SLC24A3: variants seen among roughly 807,000 people sequenced by gnomAD.
SLC24A3 encodes the protein solute carrier family 24 member 3, also known as sodium/potassium/calcium exchanger 3.
Under a neutral mutation model 75.8 loss-of-function variants are expected in SLC24A3, and 28 were observed. That is an observed-to-expected ratio of 0.37 (90% CI 0.27 to 0.51). The LOEUF is 0.51. Among genes scored for constraint, SLC24A3 ranks in the 20% least tolerant of loss-of-function variants. The pLI, the probability that SLC24A3 is intolerant of heterozygous loss-of-function variation, is 0.94. For synonymous variants in SLC24A3, 372 were observed against 334.1 expected (o/e 1.11, Z -1.24); for missense variants, 663 against 847.8 (o/e 0.78, Z 2.71).
At chr20:19,603,662 C>T (rs1409402983) in intron 6 of SLC24A3, among the ~76,000 whole-genome samples, 3 of 152,184 alleles carry the variant, frequency 2.0e-5, no homozygotes, top group African/African-American at 4.8e-5. Context: ...TATCAGACTT[C>T]GGGTACATAT....
chr20:19,611,055 C>A (rs544765092), intron 6 of SLC24A3, among the ~76,000 whole-genome samples: 2 of 152,350 alleles, frequency 1.3e-5, no homozygotes, highest in African/African-American at 4.8e-5. Flanking sequence ...TAGGAAGATG[C>A]TGGCTTCACG....
intron 2 of SLC24A3, among the ~76,000 whole-genome samples, chr20:19,457,433 C>T (rs1330335133): frequency 2.6e-5 from 4 of 152,236 alleles, no homozygotes; most frequent in East Asian, 3.8e-4. Flanking sequence ...TTACTTTTCA[C>T]TCAAGATGAA....
intron 4 of SLC24A3, among the ~76,000 whole-genome samples, chr20:19,581,079 TA>T (rs2031212086): frequency 6.6e-6 from 1 of 152,186 alleles, no homozygotes; most frequent in African/African-American, 2.4e-5. Flanking sequence ...GATACTTAAA[TA>T]AATAAAAAGT....
chr20:19,446,828 A>C (rs769827577), intron 2 of SLC24A3, among the ~76,000 whole-genome samples: 59 of 152,330 alleles, frequency 3.9e-4, no homozygotes, highest in Middle Eastern at 3.4e-3. Context: ...GCCTCTGCCA[A>C]AAGGCTTTCG....
At chr20:19,596,095 G>A (rs1232134124) in intron 6 of SLC24A3, among the ~76,000 whole-genome samples, 1 of 152,110 alleles carries the variant, frequency 6.6e-6, no homozygotes, top group Non-Finnish European at 1.5e-5. Flanking sequence ...GGGTGCATTG[G>A]GAAGCTACGG....
At chr20:19,396,735 G>A (rs1793870047) in intron 2 of SLC24A3, among the ~76,000 whole-genome samples, 1 of 152,158 alleles carries the variant, frequency 6.6e-6, no homozygotes, top group African/African-American at 2.4e-5. Flanking sequence ...AGCTGATGGA[G>A]TATAATTTTC....
intron 3 of SLC24A3, among the ~76,000 whole-genome samples, chr20:19,578,109 G>A (rs2031167037): frequency 6.6e-6 from 1 of 152,188 alleles, no homozygotes; most frequent in African/African-American, 2.4e-5. Flanking sequence ...TTTCATGCTT[G>A]GGTTGCCACA....
chr20:19,651,452 G>A (rs1230493051), intron 6 of SLC24A3, among the ~76,000 whole-genome samples: 1 of 147,508 alleles, frequency 6.8e-6, no homozygotes, highest in Non-Finnish European at 1.5e-5. Context: ...TAATTTCTAG[G>A]GTCTGTTCTT....
intron 2 of SLC24A3, among the ~76,000 whole-genome samples, chr20:19,394,744 T>C (rs1008560956): frequency 7.9e-5 from 12 of 152,112 alleles, no homozygotes; most frequent in African/African-American, 2.7e-4. Context: ...TGTGGAGAAA[T>C]TGGAACCTTT....
chr20:19,316,511 A>T (rs1984591582), intron 2 of SLC24A3, among the ~76,000 whole-genome samples: 1 of 152,260 alleles, frequency 6.6e-6, no homozygotes, highest in Non-Finnish European at 1.5e-5. Flanking sequence ...GCTATGGCTC[A>T]TAAATCAGTC....
At chr20:19,381,269 A>AC (rs1176675454) in intron 2 of SLC24A3, among the ~76,000 whole-genome samples, 3 of 152,208 alleles carry the variant, frequency 2.0e-5, no homozygotes, top group Non-Finnish European at 4.4e-5. Context: ...AGTTCCAGCC[A>AC]CCATGGAGCT....
intron 3 of SLC24A3, among the ~76,000 whole-genome samples, chr20:19,558,555 C>T (rs897829910): frequency 6.6e-6 from 1 of 152,098 alleles, no homozygotes; most frequent in Admixed American, 6.6e-5. Flanking sequence ...TAGTAGCCTC[C>T]TCTCCATGTC....
At chr20:19,458,945 G>T (rs893178721) in intron 2 of SLC24A3, among the ~76,000 whole-genome samples, 1 of 152,150 alleles carries the variant, frequency 6.6e-6, no homozygotes, top group African/African-American at 2.4e-5. Flanking sequence ...GAGAACTTAG[G>T]ACTGGTTAAC....
At chr20:19,535,660 G>T (rs760101987) in intron 3 of SLC24A3, among the ~76,000 whole-genome samples, 1 of 152,286 alleles carries the variant, frequency 6.6e-6, no homozygotes, top group East Asian at 1.9e-4. Flanking sequence ...CTTAGGGGAG[G>T]TGATTTGCTT....
intron 2 of SLC24A3, among the ~76,000 whole-genome samples, chr20:19,345,295 A>G (rs571853629): frequency 1.3e-5 from 2 of 152,360 alleles, no homozygotes; most frequent in South Asian, 4.1e-4. Context: ...TTCCATGTTC[A>G]TGAATAGGAA....
chr20:19,606,977 C>G (rs550451384), intron 6 of SLC24A3, among the ~76,000 whole-genome samples: 50 of 152,308 alleles, frequency 3.3e-4, no homozygotes, highest in Middle Eastern at 3.4e-3. Flanking sequence ...CCTCAGGCCC[C>G]TCTGTGAATT....
At chr20:19,679,348 C>T (rs1487391246) in intron 9 of SLC24A3, among the ~76,000 whole-genome samples, 9 of 152,348 alleles carry the variant, frequency 5.9e-5, no homozygotes, top group South Asian at 2.1e-4. Context: ...CAAAAAAATA[C>T]GAAAACCAGT....
intron 2 of SLC24A3, among the ~76,000 whole-genome samples, chr20:19,443,773 T>C (rs1257267304): frequency 6.6e-6 from 1 of 152,228 alleles, no homozygotes; most frequent in Non-Finnish European, 1.5e-5. Context: ...GAATAATACC[T>C]GGTTTCTCAC....
chr20:19,359,723 T>C (rs560249956), intron 2 of SLC24A3, among the ~76,000 whole-genome samples: 6 of 152,238 alleles, frequency 3.9e-5, no homozygotes, highest in African/African-American at 1.4e-4. Context: ...GGGGTGGGTG[T>C]TCTGGCTCTG....
Sources: allele counts gnomAD v4.1 joint callset (sites outside exome capture counted in the v4.1 genomes callset), GRCh38; gene constraint gnomAD v4.1.1; transcripts MANE v1.5; gene names NCBI Gene and HGNC (gene_info 2026-07-23, HGNC 2026-07-21).